SGCD: variants seen among roughly 807,000 people sequenced by gnomAD.
SGCD encodes delta-sarcoglycan.
In SGCD, 18 loss-of-function variants were observed where a neutral mutation model predicts 36.6. The ratio of observed to expected loss-of-function variants is 0.49; its 90% confidence interval spans 0.34 to 0.73. The LOEUF is 0.73. SGCD is among the 30% of genes least tolerant of loss of function. The pLI, the probability that SGCD is intolerant of heterozygous loss-of-function variation, is 0.01. For missense variants in SGCD, 387 were observed against 346.7 expected (o/e 1.12, Z -0.92); for synonymous variants, 133 against 130.6 (o/e 1.02, Z -0.12).
At chr5:155,840,825 A>T in the SGCD span, among the ~76,000 whole-genome samples, 2 of 151,598 alleles carry the variant, frequency 1.3e-5, no homozygotes, top group South Asian at 4.2e-4. Context: ...CAGCCTGATC[A>T]ACATGGAGAA....
chr5:156,113,473 A>C (rs1761838322), intron 1 of SGCD, among the ~76,000 whole-genome samples: 1 of 152,186 alleles, frequency 6.6e-6, no homozygotes, highest in Non-Finnish European at 1.5e-5. Context: ...TGAGGTACAG[A>C]ATATCAGCCT....
intron 1 of SGCD, among the ~76,000 whole-genome samples, chr5:155,977,706 G>C (rs114982833): frequency 6.6e-6 from 1 of 152,176 alleles, no homozygotes; most frequent in Non-Finnish European, 1.5e-5. Flanking sequence ...GTTAGCCAAA[G>C]TGTGGAACCA....
chr5:156,477,685 C>CAAAA (rs11411986), intron 3 of SGCD, among the ~76,000 whole-genome samples: 2 of 102,152 alleles, frequency 2.0e-5, no homozygotes, highest in African/African-American at 7.3e-5. Context: ...AGTATTTGAG[C>CAAAA]AAAAAAAAAA....
Position 156,200,087 on chromosome 5 carries a change from T to A in SGCD, c.-44+76068T>A, listed in dbSNP as rs142334741. On this transcript the variant is annotated intron_variant, in intron 3 of 9. Coordinates refer to the SGCD transcript ENST00000517913. ...AGACTTAATATTGTTAAAATGCTCA[T>A]ACTACACAAAGTGATCCGTGGACTC... 1.6e-4 allele frequency among the ~76,000 whole-genome samples: 24 copies of A among 152,286 alleles called. No homozygotes were observed. The East Asian group carries it at 2.7e-3, about 17-fold the overall frequency.
chr5:155,978,837 A>G (rs558105665), intron 1 of SGCD, among the ~76,000 whole-genome samples: 20 of 152,288 alleles, frequency 1.3e-4, no homozygotes, highest in African/African-American at 4.6e-4. Context: ...TTAAAAAAAA[A>G]AAGAGTTAAG....
At chr5:155,979,973 G>T (rs975352459) in intron 1 of SGCD, among the ~76,000 whole-genome samples, 3 of 151,938 alleles carry the variant, frequency 2.0e-5, no homozygotes, top group Non-Finnish European at 4.4e-5. Context: ...CACTCATGAG[G>T]GTTCCACCTT....
intron 3 of SGCD, among the ~76,000 whole-genome samples, chr5:156,132,669 C>T (rs888631254): frequency 2.0e-5 from 3 of 151,256 alleles, no homozygotes; most frequent in South Asian, 4.2e-4. Context: ...GGGGTTTCAC[C>T]GTGTTAGCCA....
chr5:155,972,418 T>C (rs1317897939), intron 1 of SGCD, among the ~76,000 whole-genome samples: 1 of 152,178 alleles, frequency 6.6e-6, no homozygotes, highest in African/African-American at 2.4e-5. Context: ...ACATTTTCCA[T>C]ACTGGTATAT....
intron 3 of SGCD, among the ~76,000 whole-genome samples, chr5:156,417,187 TTTCATCTC>T (rs1405811684): frequency 6.6e-6 from 1 of 152,216 alleles, no homozygotes; most frequent in East Asian, 1.9e-4. Context: ...GATTGAATTT[TTTCATCTC>T]ATTCCCCAAG....
intron 3 of SGCD, among the ~76,000 whole-genome samples, chr5:156,482,630 T>A (rs1210181309): frequency 6.6e-6 from 1 of 152,170 alleles, no homozygotes; most frequent in Non-Finnish European, 1.5e-5. Context: ...CATAATTCCA[T>A]TGTAAATGAG....
chr5:156,635,999 C>A (rs762257571), intron 6 of SGCD, among the ~76,000 whole-genome samples: 20 of 151,766 alleles, frequency 1.3e-4, no homozygotes, highest in Non-Finnish European at 2.4e-4. Context: ...ACAAACCTGC[C>A]GGTTGTGCAC....
chr5:156,495,149 A>C (rs1224243720), intron 3 of SGCD, among the ~76,000 whole-genome samples: 1 of 152,136 alleles, frequency 6.6e-6, no homozygotes, highest in Non-Finnish European at 1.5e-5. Context: ...GAAGGATATT[A>C]GAGCTTACAA....
intron 3 of SGCD, among the ~76,000 whole-genome samples, chr5:156,363,812 T>C (rs959972438): frequency 6.6e-6 from 1 of 152,242 alleles, no homozygotes; most frequent in Non-Finnish European, 1.5e-5. Flanking sequence ...ATTTTGTCTT[T>C]TTCTGTCTAC....
At chr5:156,289,765 C>T (rs971789098) in intron 3 of SGCD, among the ~76,000 whole-genome samples, 15 of 152,134 alleles carry the variant, frequency 9.9e-5, no homozygotes, top group Non-Finnish European at 1.8e-4. Flanking sequence ...GCAATCCGCC[C>T]GTCCTAGTCT....
At position 156,363,847 on chromosome 5, in the gene SGCD, A is replaced by T. The variant is rs533343839; in HGVS notation, c.192+19170A>T. On this transcript the variant is annotated intron_variant, in intron 3 of 8. Coordinates refer to ENST00000337851, the MANE Select transcript of SGCD (RefSeq NM_000337.6). ...CCTGGTTGAAGGGAAAGGGGATGTC[A>T]TTGCTTCAGGAGCTCTTTCAGAAGA... Among the ~76,000 whole-genome samples the T allele has an allele frequency of 1.4e-4, 21 of 152,300 alleles. No individual in the cohort carries two copies. In the South Asian group the frequency reaches 3.5e-3, roughly 26 times the overall value.
chr5:156,266,425 T>G (rs1311928612), intron 3 of SGCD, among the ~76,000 whole-genome samples: 1 of 152,224 alleles, frequency 6.6e-6, no homozygotes, highest in Non-Finnish European at 1.5e-5. Flanking sequence ...TTCAAAACCA[T>G]TTATGTCATG....
the SGCD span, among the ~76,000 whole-genome samples, chr5:155,832,738 A>G: frequency 6.6e-6 from 1 of 152,168 alleles, no homozygotes; most frequent in Non-Finnish European, 1.5e-5. Context: ...GTGAAACCAA[A>G]TAGTGTTTGA....
chr5:156,553,320 G>A (rs1195359177), intron 4 of SGCD, among the ~76,000 whole-genome samples: 2 of 152,098 alleles, frequency 1.3e-5, no homozygotes, highest in African/African-American at 2.4e-5. Flanking sequence ...CAGGTACTAA[G>A]TTTTTCAAAA....
intron 3 of SGCD, among the ~76,000 whole-genome samples, chr5:156,133,935 A>G (rs1762389447): frequency 6.6e-6 from 1 of 151,496 alleles, no homozygotes; most frequent in Non-Finnish European, 1.5e-5. Flanking sequence ...ACACACACAC[A>G]CACACACACA....
Sources: allele counts gnomAD v4.1 joint callset (sites outside exome capture counted in the v4.1 genomes callset), GRCh38; gene constraint gnomAD v4.1.1; transcripts MANE v1.5; gene names NCBI Gene and HGNC (gene_info 2026-07-23, HGNC 2026-07-21).